The following LRP1B variants were observed in gnomAD, a reference collection of about 807,000 sequenced individuals.
The protein encoded by LRP1B is LDL receptor related protein 1B, also known as low-density lipoprotein receptor-related protein 1B.
LRP1B carries 217 observed loss-of-function variants against 556.6 expected under a neutral mutation model. That is an observed-to-expected ratio of 0.39 (90% CI 0.35 to 0.44). LRP1B has a LOEUF of 0.44. LRP1B is among the 20% of genes least tolerant of loss of function. The pLI is 1.00. For synonymous variants in LRP1B, 2,047 were observed against 1,865.8 expected (o/e 1.10, Z -2.50); for missense variants, 5,053 against 5,620.8 (o/e 0.90, Z 3.23).
intron 4 of LRP1B, among the ~76,000 whole-genome samples, chr2:141,253,884 A>G (rs1684362663): frequency 6.6e-6 from 1 of 151,950 alleles, no homozygotes; most frequent in Non-Finnish European, 1.5e-5. Context: ...TAAGTATCAT[A>G]CAAAGCAATG....
chr2:142,108,188 AAT>A (rs1294929992), intron 1 of LRP1B, among the ~76,000 whole-genome samples: 2 of 151,778 alleles, frequency 1.3e-5, no homozygotes, highest in Non-Finnish European at 2.9e-5. Flanking sequence ...TATAAAAATG[AAT>A]TTATAGGGAA....
At chr2:141,047,054 TTAATAA>T (rs70991134) in intron 11 of LRP1B, among the ~76,000 whole-genome samples, 1,163 of 70,630 alleles carry the variant, frequency 0.016, 31 homozygotes, top group Admixed American at 0.079. Flanking sequence ...TGCACAAAAA[TTAATAA>T]TAATAATAAT....
chr2:140,441,623 A>C (rs1218709238), intron 66 of LRP1B, among the ~76,000 whole-genome samples: 2 of 152,136 alleles, frequency 1.3e-5, no homozygotes, highest in Non-Finnish European at 2.9e-5. Context: ...CATTATTTTC[A>C]TTTTCCCCAT....
intron 3 of LRP1B, among the ~76,000 whole-genome samples, chr2:141,451,010 T>C (rs1681400743): frequency 1.3e-5 from 2 of 152,198 alleles, no homozygotes; most frequent in South Asian, 4.1e-4. Flanking sequence ...ATCTGTGTGA[T>C]TGCATTTCTA....
chr2:140,298,054 G>A (rs2105001736), intron 83 of LRP1B, 85 bp from the exon 84 acceptor site: 1 of 1,310,110 alleles, frequency 7.6e-7, no homozygotes, highest in Non-Finnish European at 1.0e-6. Context: ...TAAAAGTTGA[G>A]AAGCCAGGTT....
intron 3 of LRP1B, among the ~76,000 whole-genome samples, chr2:141,265,449 C>A (rs1684848485): frequency 6.6e-6 from 1 of 152,218 alleles, no homozygotes. Context: ...CCTGAGGATT[C>A]TGCGCTAGAA....
chr2:140,937,184 T>A (rs1573899770), intron 20 of LRP1B, among the ~76,000 whole-genome samples: 1 of 151,964 alleles, frequency 6.6e-6, no homozygotes, highest in Admixed American at 6.6e-5. Flanking sequence ...AATGCAGGAA[T>A]TGAGGAACAA....
chr2:140,902,888 A>C, intron 23 of LRP1B, 32 bp downstream of exon 23: 1 of 1,601,770 alleles, frequency 6.2e-7, no homozygotes, highest in African/African-American at 1.3e-5. Context: ...TCTATTCTTA[A>C]ATATAGCAAC....
intron 3 of LRP1B, among the ~76,000 whole-genome samples, chr2:141,333,341 G>A (rs7587135): frequency 0.028 from 4,185 of 152,016 alleles, 191 homozygotes; most frequent in African/African-American, 0.095. Context: ...CTAGGCAATC[G>A]GAGATTATGA....
intron 2 of LRP1B, among the ~76,000 whole-genome samples, chr2:141,555,273 G>A (rs1368509988): frequency 6.6e-6 from 1 of 151,982 alleles, no homozygotes; most frequent in Non-Finnish European, 1.5e-5. Context: ...ATCAGAGGAA[G>A]TCATGAAATG....
chr2:141,416,191 G>C (rs2104953726), intron 3 of LRP1B, among the ~76,000 whole-genome samples: 1 of 152,260 alleles, frequency 6.6e-6, no homozygotes, highest in Admixed American at 6.5e-5. Flanking sequence ...TACTCACCAG[G>C]TGAGGCTTTC....
chr2:140,907,340 T>G (rs1352850792), intron 22 of LRP1B, among the ~76,000 whole-genome samples: 1 of 152,100 alleles, frequency 6.6e-6, no homozygotes, highest in Non-Finnish European at 1.5e-5. Context: ...AATCATCATT[T>G]TAACTAGATA....
chr2:141,606,370 A>G (rs1687918127), intron 2 of LRP1B, among the ~76,000 whole-genome samples: 1 of 152,218 alleles, frequency 6.6e-6, no homozygotes, highest in Admixed American at 6.5e-5. Context: ...GGGATAGTAA[A>G]TTATTTAATA....
intron 7 of LRP1B, among the ~76,000 whole-genome samples, chr2:141,166,118 C>T (rs1179447192): frequency 3.3e-5 from 5 of 151,770 alleles, no homozygotes; most frequent in African/African-American, 1.2e-4. Flanking sequence ...CATAACACCC[C>T]TTTCTATCTT....
At chr2:141,231,526 T>C (rs1683467815) in intron 5 of LRP1B, among the ~76,000 whole-genome samples, 1 of 152,184 alleles carries the variant, frequency 6.6e-6, no homozygotes, top group Non-Finnish European at 1.5e-5. Context: ...GTCCAGTGGC[T>C]GCAGCCTGGA....
chr2:140,258,582 G>T (rs13409080), intron 86 of LRP1B, among the ~76,000 whole-genome samples: 8,798 of 152,062 alleles, frequency 0.058, 536 homozygotes, highest in African/African-American at 0.16. Context: ...TCTGATTATT[G>T]TGTTTCTCGT....
chr2:140,808,088 T>A (rs1357589048), intron 32 of LRP1B, among the ~76,000 whole-genome samples: 2 of 152,016 alleles, frequency 1.3e-5, no homozygotes, highest in Non-Finnish European at 2.9e-5. Context: ...TGAGACTCCA[T>A]CTCCAAATTA....
chr2:140,265,234 A>G (rs1282610820), intron 86 of LRP1B, among the ~76,000 whole-genome samples: 1 of 152,158 alleles, frequency 6.6e-6, no homozygotes, highest in Non-Finnish European at 1.5e-5. Flanking sequence ...ATAGCTTACA[A>G]TAAAACGTAT....
In LRP1B at chr2:140,769,216, C is replaced by T. The variant is rs1689219117; in HGVS notation, c.5755G>A (p.Ala1919Thr). Residue 1919 changes from alanine to threonine, a missense_variant, in exon 35 of 91, where the codon GCA becomes ACA. Ala to Thr is a moderately conservative substitution (Grantham distance 58). Around this residue, in one of 5 missense-constraint regions of LRP1B, gnomAD observed 3,619 missense variants for 3,931.9 expected, o/e 0.92. Coordinates refer to ENST00000389484, the MANE Select transcript of LRP1B (RefSeq NM_018557.3). ...TTATGACTAAAAAGCTATTTACCTG[C>T]ATGGAAATCTATTCCCACGGCAAAT... ...TSFAVGIDFHAENDTIYWTDM... is the reference protein window; with the variant it reads ...TSFAVGIDFHTENDTIYWTDM... 6.2e-7 allele frequency: 1 copy of T among 1,611,032 alleles called. No homozygotes were observed. The highest frequency in any genetic ancestry group is 1.7e-5 in the Admixed American group (1 of 59,798).
Sources: gnomAD v4.1 joint callset for allele counts (sites outside exome capture counted in the v4.1 genomes callset) on GRCh38, gnomAD v4.1.1 for gene constraint, gnomAD v4.1.1 regional missense constraint, MANE v1.5 for transcripts, NCBI Gene and HGNC (gene_info 2026-07-23, HGNC 2026-07-21) for gene names.